TRIM26: variants seen among roughly 807,000 people sequenced by gnomAD.
TRIM26 encodes the protein tripartite motif-containing protein 26.
TRIM26 carries 16 observed loss-of-function variants against 45.5 expected under a neutral mutation model. The observed-to-expected ratio is 0.35, with a 90% CI of 0.24 to 0.53. TRIM26 has a LOEUF of 0.53. Among genes scored for constraint, TRIM26 ranks in the 20% least tolerant of loss-of-function variants. TRIM26 has a pLI of 0.92. For synonymous variants in TRIM26, 273 were observed against 290.4 expected (o/e 0.94, Z 0.61); for missense variants, 442 against 691.1 (o/e 0.64, Z 4.04).
At chr6:30,210,033 A>T (rs1778117922) in intron 1 of TRIM26, among the ~76,000 whole-genome samples, 1 of 151,372 alleles carries the variant, frequency 6.6e-6, no homozygotes. Context: ...GGTGAAACCC[A>T]GCCTCTACTA....
chr6:30,193,344 G>A (rs758883892), intron 6 of TRIM26, among the ~76,000 whole-genome samples: 38 of 150,428 alleles, frequency 2.5e-4, no homozygotes, highest in Non-Finnish European at 4.9e-4. Flanking sequence ...ATCACGCCCA[G>A]CTAATTTTTG....
chr6:30,186,133 G>A lies in TRIM26; in HGVS notation c.1363C>T (p.Arg455Trp), dbSNP rs1403927254. 7 of 1,591,368 alleles carry A rather than the reference G, an allele frequency of 4.4e-6. No individual in the cohort carries two copies. The highest frequency in any genetic ancestry group is 3.4e-6 in the Non-Finnish European group (4 of 1,168,482). ...SVKRKGDLSL[R>W]PEDGVWALRL... ...AGCGCCCACACGCCATCCTCTGGCC[G>A]CAGGGAGAGGTCTCCCTTCCTCTTC... The change falls in exon 10 of 10, where the codon CGG becomes TGG. Residue 455 changes from arginine (R) to tryptophan (W), a missense_variant. Transcript: ENST00000454678. The surrounding 1 kb of genome is among the most constrained non-coding windows in gnomAD (Gnocchi z 7.4).
rs377422820 is a variant in TRIM26 at position 30,189,357 on chromosome 6, G to T, written c.904+61C>A. 1.9e-6 allele frequency: 3 copies of T among 1,576,798 alleles called. No homozygotes were observed. The highest frequency in any genetic ancestry group is 1.3e-5 in the African/African-American group (1 of 74,140). On this transcript the variant is annotated intron_variant, in intron 8 of 9. Transcript: ENST00000454678. The surrounding 1 kb of genome is among the most constrained non-coding windows in gnomAD (Gnocchi z 5.0). ...AAGGTGATGGAAAGGAGCTGGGTGC[G>T]CTCTTTCTACGAGGTAGCCCTGCTC...
Position 30,185,935 on chromosome 6 carries a change from G to A in TRIM26, c.1561C>T (p.Arg521Cys), listed in dbSNP as rs1775114176. 1.9e-6 allele frequency: 3 copies of A among 1,613,070 alleles called. No individual in the cohort carries two copies. Among genetic ancestry groups the A allele is most frequent in the South Asian group, 2.2e-5 (2 of 91,078 alleles). The part of the protein sequence containing the change: ...IYTFTATFTR[R>C]LVPFLWLKWP... ...TTGAGCCACAGGAAGGGGACCAGGC[G>A]CCGGGTGAAGGTGGCAGTGAAGGTG... Residue 521 changes from arginine (R) to cysteine (C), a missense_variant, in exon 10 of 10, where the codon CGC (arginine) becomes TGC (cysteine). By Grantham distance (180) the Arg-to-Cys change is radical (BLOSUM62 -3). Transcript: ENST00000454678. The surrounding 1 kb of genome is among the most constrained non-coding windows in gnomAD (Gnocchi z 5.7).
In TRIM26 at chr6:30,196,490, C is replaced by T. The variant is rs775653423; in HGVS notation, c.765+26G>A. Reference sequence around the variant, plus strand: ...TGGGACCCACCGTCCTGGTCCCTGGCGCCCTGCCCAGGGACGGCCTCTCAC... The same window carrying T: ...TGGGACCCACCGTCCTGGTCCCTGGTGCCCTGCCCAGGGACGGCCTCTCAC... On this transcript the variant is annotated intron_variant, in intron 6 of 9. Coordinates refer to ENST00000454678, the MANE Select transcript of TRIM26 (RefSeq NM_003449.5). The surrounding 1 kb of genome is among the most constrained non-coding windows in gnomAD (Gnocchi z 4.9). 80 of 1,595,108 alleles carry T rather than the reference C, an allele frequency of 5.0e-5. No homozygotes were observed. Among genetic ancestry groups the T allele is most frequent in the East Asian group, 2.0e-4 (9 of 44,734 alleles).
chr6:30,205,202 A>G (rs2127528198), intron 1 of TRIM26, among the ~76,000 whole-genome samples: 1 of 152,240 alleles, frequency 6.6e-6, no homozygotes, highest in East Asian at 1.9e-4. Context: ...GATCACGCCA[A>G]TTGCACTCCA....
intron 3 of TRIM26, among the ~76,000 whole-genome samples, chr6:30,199,697 CGT>C (rs1776922999): frequency 6.7e-6 from 1 of 148,238 alleles, no homozygotes; most frequent in Middle Eastern, 3.4e-3. Context: ...AGTGCAGTGG[CGT>C]GATCTCAGCT....
In TRIM26 at chr6:30,189,962, G is replaced by C; in HGVS notation, c.788+51C>G. On this transcript the variant is annotated intron_variant, in intron 7 of 9. Coordinates refer to ENST00000454678, the MANE Select transcript of TRIM26 (RefSeq NM_003449.5). The surrounding 1 kb of genome is among the most constrained non-coding windows in gnomAD (Gnocchi z 5.0). ...TCAAATGCACCTGGTCAGAAGCGGGGGAACATAAACAAGGGGGATGAGGTA... is the reference window on the plus strand; with the variant it reads ...TCAAATGCACCTGGTCAGAAGCGGGCGAACATAAACAAGGGGGATGAGGTA... 6.2e-7 allele frequency: 1 copy of C among 1,609,260 alleles called. No homozygotes were observed. Among genetic ancestry groups the C allele is most frequent in the Non-Finnish European group, 8.5e-7 (1 of 1,176,684 alleles).
At chr6:30,197,070 G>A (rs764615287) in intron 5 of TRIM26, among the ~76,000 whole-genome samples, 1 of 152,150 alleles carries the variant, frequency 6.6e-6, no homozygotes, top group Non-Finnish European at 1.5e-5. Flanking sequence ...CTCATGAGCC[G>A]ACGCACTTTT....
Position 30,190,079 on chromosome 6 carries a change from T to A in TRIM26, c.766-44A>T. ...AGCACAAGTATCAATATGAATCAAA[T>A]AAGACTTCAATGCATCTGCACCCAA... On this transcript the variant is annotated intron_variant, in intron 6 of 9. Transcript: ENST00000454678. This position sits in a 1 kb window ranked among gnomAD's most constrained non-coding sequence, Gnocchi z 4.3. The A allele has an allele frequency of 6.2e-7, 1 of 1,608,744 alleles. No individual in the cohort carries two copies. The highest frequency in any genetic ancestry group is 8.5e-7 in the Non-Finnish European group (1 of 1,176,648).
At chr6:30,191,968 A>C (rs534632910) in intron 6 of TRIM26, among the ~76,000 whole-genome samples, 48 of 152,384 alleles carry the variant, frequency 3.1e-4, no homozygotes, top group Admixed American at 9.1e-4. Context: ...TTCCTAGAAC[A>C]GTAGAAAGGG....
rs1775091267 is a variant in TRIM26, at chr6:30,185,768, C to T, written c.*108G>A. The T allele has an allele frequency of 7.8e-7, 1 of 1,287,386 alleles. No homozygotes were observed. The highest frequency in any genetic ancestry group is 1.5e-5 in the African/African-American group (1 of 66,918). 79.7% of individuals were successfully genotyped at this position (1,287,386 alleles called of 1,614,324 possible). The stretch of plus-strand genomic sequence containing the variant: ...AGGTGGCTACCAGTGGATATGGGGT[C>T]CCCTGCTCCAGGTGCTTAGGCCAGG... On this transcript the variant is annotated 3_prime_UTR_variant, in exon 10 of 10. Transcript: ENST00000454678. This position sits in a 1 kb window ranked among gnomAD's most constrained non-coding sequence, Gnocchi z 5.7.
intron 2 of TRIM26, among the ~76,000 whole-genome samples, chr6:30,204,076 C>T (rs149835434): frequency 6.6e-6 from 1 of 152,102 alleles, no homozygotes; most frequent in African/African-American, 2.4e-5. Context: ...TTGTATAGAA[C>T]CATTTGTTTT....
Position 30,186,524 on chromosome 6 carries a change from C to G in TRIM26, c.972G>C (p.Gly324=). The change falls in exon 10 of 10, where the codon GGG becomes GGC. Residue 324 remains glycine, a synonymous_variant. Transcript: ENST00000454678. This position sits in a 1 kb window ranked among gnomAD's most constrained non-coding sequence, Gnocchi z 7.4. Reference sequence around the variant, plus strand: ...TCCAGTCCTCTGACAGCTGCAGGTACCCACTGGCCGACTGTGGGTCCAGGG... The same window carrying G: ...TCCAGTCCTCTGACAGCTGCAGGTAGCCACTGGCCGACTGTGGGTCCAGGG... The part of the protein sequence containing the change: ...SVTLDPQSAS[G]YLQLSEDWKC... 2 of 1,524,700 alleles carry G rather than the reference C, an allele frequency of 1.3e-6. No homozygotes were observed. Among genetic ancestry groups the G allele is most frequent in the Non-Finnish European group, 1.8e-6 (2 of 1,138,900 alleles). The allele number at this position is 1,524,700 out of a possible 1,614,324, so 94.4% of individuals were successfully genotyped here.
chr6:30,197,828 C>A (rs948913620), intron 5 of TRIM26, among the ~76,000 whole-genome samples: 11 of 152,042 alleles, frequency 7.2e-5, no homozygotes, highest in Admixed American at 7.2e-4. Flanking sequence ...TCAGTAGAGA[C>A]GCTTTTTCTT....
In TRIM26 at chr6:30,189,733, T is replaced by C. The variant is rs1308242568; in HGVS notation, c.789-200A>G. Reference sequence around the variant, plus strand: ...TCAGTAGACTCCACATCCAGGGCGCTCTGTCTACTAAGCCATGTTTCTAAC... The same window carrying C: ...TCAGTAGACTCCACATCCAGGGCGCCCTGTCTACTAAGCCATGTTTCTAAC... On this transcript the variant is annotated intron_variant, in intron 7 of 9. Coordinates refer to ENST00000454678, the MANE Select transcript of TRIM26 (RefSeq NM_003449.5). The surrounding 1 kb of genome is among the most constrained non-coding windows in gnomAD (Gnocchi z 5.0). The C allele has an allele frequency of 1.6e-5, 10 of 615,654 alleles. No individual in the cohort carries two copies. The highest frequency in any genetic ancestry group is 2.8e-5 in the Non-Finnish European group (10 of 350,894). The allele number at this position is 615,654 out of a possible 1,614,324, so 38.1% of individuals were successfully genotyped here. A position where few individuals can be genotyped will look rare whatever the true frequency, so the allele number is the denominator to read the frequency against.
At chr6:30,197,721 A>T (rs149642541) in intron 5 of TRIM26, among the ~76,000 whole-genome samples, 1 of 152,324 alleles carries the variant, frequency 6.6e-6, no homozygotes, top group African/African-American at 2.4e-5. Context: ...TTATCACTAG[A>T]TTACTTATAA....
At chr6:30,199,331 C>G in intron 3 of TRIM26, 67 bp from the exon 4 acceptor site, 1 of 464,152 alleles carries the variant, frequency 2.2e-6, no homozygotes, top group Non-Finnish European at 3.8e-6. Flanking sequence ...CCTCATTGTA[C>G]AGATAAGGAT....
chr6:30,188,250 G>C (rs1581651774), intron 9 of TRIM26: 2 of 247,710 alleles, frequency 8.1e-6, no homozygotes, highest in East Asian at 1.6e-4. Context: ...AAAGAAATTT[G>C]GGACAGATGT....
Sources: gnomAD v4.1 joint callset for allele counts (sites outside exome capture counted in the v4.1 genomes callset) on GRCh38, gnomAD v4.1.1 for gene constraint, Gnocchi (gnomAD v3.1) non-coding constraint, MANE v1.5 for transcripts, NCBI Gene and HGNC (gene_info 2026-07-23, HGNC 2026-07-21) for gene names.